Variants in RCSD1 observed in about 807,000 individuals in gnomAD.
RCSD1 encodes RCSD domain containing 1, also known as capZ-interacting protein.
Under a neutral mutation model 42.5 loss-of-function variants are expected in RCSD1, and 26 were observed. The observed-to-expected ratio is 0.61, with a 90% CI of 0.45 to 0.85. The LOEUF is 0.85. Ranked by LOEUF, RCSD1 falls within the 40% of genes least tolerant of loss-of-function variation. The pLI, the probability that RCSD1 is intolerant of heterozygous loss-of-function variation, is 0.00. For synonymous variants in RCSD1, 220 were observed against 212.2 expected (o/e 1.04, Z -0.32); for missense variants, 571 against 528.3 (o/e 1.08, Z -0.79).
chr1:167,659,065 CCTCT>C (rs1382793525), intron 1 of RCSD1, among the ~76,000 whole-genome samples: 2 of 152,034 alleles, frequency 1.3e-5, no homozygotes, highest in African/African-American at 2.4e-5. Flanking sequence ...TATTTTCCCT[CCTCT>C]CTCTCTCCCT....
rs775821749 is a variant in RCSD1, at chr1:167,684,013, C to G, written c.108+12C>G. The G allele has an allele frequency of 6.2e-7, 1 of 1,602,090 alleles. No individual in the cohort carries two copies. The highest frequency in any genetic ancestry group is 8.5e-7 in the Non-Finnish European group (1 of 1,171,232). On this transcript the variant is annotated intron_variant, in intron 2 of 6. Coordinates refer to ENST00000367854, the MANE Select transcript of RCSD1 (RefSeq NM_052862.4). The stretch of plus-strand genomic sequence containing the variant: ...CTGCAGCCAAGGAGGTGAGTCAGGC[C>G]GCTTCAGAGCAGCCTCTTCAGCAGC...
At chr1:167,639,758 T>C (rs896008412) in intron 1 of RCSD1, among the ~76,000 whole-genome samples, 3 of 152,206 alleles carry the variant, frequency 2.0e-5, no homozygotes, top group Non-Finnish European at 4.4e-5. Context: ...CCTCCCAAAG[T>C]GCTGGGATTA....
At chr1:167,658,620 G>A (rs1025133058) in intron 1 of RCSD1, among the ~76,000 whole-genome samples, 3 of 151,640 alleles carry the variant, frequency 2.0e-5, no homozygotes, top group African/African-American at 7.3e-5. Context: ...TTGGAGAGAC[G>A]GAGTTCCACC....
chr1:167,701,251 AGTTTCTTT>A (rs1467079413), intron 6 of RCSD1, among the ~76,000 whole-genome samples: 17 of 117,758 alleles, frequency 1.4e-4, no homozygotes, highest in African/African-American at 5.0e-4. Context: ...CCAATTGCCT[AGTTTCTTT>A]CTTTCTTTCT....
intron 1 of RCSD1, among the ~76,000 whole-genome samples, chr1:167,682,431 G>A (rs1659104419): frequency 6.6e-6 from 1 of 152,200 alleles, no homozygotes; most frequent in African/African-American, 2.4e-5. Context: ...GCCTCCCAAA[G>A]TGCTGGGATT....
At chr1:167,686,143 G>A (rs146128685) in intron 3 of RCSD1, among the ~76,000 whole-genome samples, 1 of 152,286 alleles carries the variant, frequency 6.6e-6, no homozygotes, top group Admixed American at 6.5e-5. Flanking sequence ...AATTGTAGCT[G>A]CAGGAGTGCC....
chr1:167,662,348 G>A (rs1658557816), intron 1 of RCSD1, among the ~76,000 whole-genome samples: 1 of 152,186 alleles, frequency 6.6e-6, no homozygotes, highest in African/African-American at 2.4e-5. Flanking sequence ...GGGTGTGCAG[G>A]CAGCACACTC....
chr1:167,662,107 A>G (rs1658553122), intron 1 of RCSD1, among the ~76,000 whole-genome samples: 1 of 152,134 alleles, frequency 6.6e-6, no homozygotes, highest in African/African-American at 2.4e-5. Flanking sequence ...GACCCATTCT[A>G]TTCTTAGAGC....
At chr1:167,644,928 T>C (rs1196375727) in intron 1 of RCSD1, among the ~76,000 whole-genome samples, 1 of 152,252 alleles carries the variant, frequency 6.6e-6, no homozygotes. Flanking sequence ...TCACATTACT[T>C]GTATTACAAA....
At chr1:167,638,436 C>G (rs1657913257) in intron 1 of RCSD1, 1 of 152,206 alleles carries the variant, frequency 6.6e-6, no homozygotes, top group Non-Finnish European at 1.5e-5. Flanking sequence ...TGCCCAGGGT[C>G]TAGAAGGTAA....
intron 5 of RCSD1, 71 bp downstream of exon 5, chr1:167,694,373 T>A: frequency 7.2e-7 from 1 of 1,389,276 alleles, no homozygotes; most frequent in Non-Finnish European, 1.0e-6. Context: ...GAATTTTCTC[T>A]ACCCTGTTGT....
chr1:167,655,365 T>A (rs1658401406), intron 1 of RCSD1, among the ~76,000 whole-genome samples: 1 of 152,182 alleles, frequency 6.6e-6, no homozygotes, highest in Non-Finnish European at 1.5e-5. Flanking sequence ...AGAGACCATT[T>A]TTTTCTCTCC....
chr1:167,671,316 A>C (rs1393957702), intron 1 of RCSD1, among the ~76,000 whole-genome samples: 1 of 152,234 alleles, frequency 6.6e-6, no homozygotes, highest in Non-Finnish European at 1.5e-5. Context: ...ACTTTTACTG[A>C]AGGTCTGCTG....
intron 1 of RCSD1, among the ~76,000 whole-genome samples, chr1:167,675,915 G>A (rs1449452914): frequency 1.3e-5 from 2 of 152,072 alleles, no homozygotes; most frequent in Non-Finnish European, 2.9e-5. Context: ...AAGATGGGAT[G>A]GAAGGACAGG....
intron 1 of RCSD1, among the ~76,000 whole-genome samples, chr1:167,675,164 C>T (rs1246861327): frequency 6.9e-6 from 1 of 145,806 alleles, no homozygotes; most frequent in African/African-American, 2.6e-5. Context: ...CGAGATCTCA[C>T]CACTGCACTT....
intron 1 of RCSD1, among the ~76,000 whole-genome samples, chr1:167,647,758 G>A (rs1437983546): frequency 6.6e-6 from 1 of 151,848 alleles, no homozygotes; most frequent in Non-Finnish European, 1.5e-5. Context: ...ACAAAACAAC[G>A]ATAAGACCAC....
chr1:167,699,591 A>G (rs1659591324), intron 6 of RCSD1, among the ~76,000 whole-genome samples: 1 of 152,216 alleles, frequency 6.6e-6, no homozygotes, highest in Non-Finnish European at 1.5e-5. Flanking sequence ...TTAGATGTAG[A>G]GTCCACCCTA....
intron 1 of RCSD1, among the ~76,000 whole-genome samples, chr1:167,682,331 G>A (rs371216309): frequency 5.9e-5 from 9 of 151,974 alleles, no homozygotes; most frequent in East Asian, 5.8e-4. Context: ...CACCACACCC[G>A]GCTAATTTTG....
chr1:167,688,434 C>T lies in RCSD1; in HGVS notation c.199-1615C>T, dbSNP rs115298725. ...ATTGGGGCTGGAAGCTCTTTATACT[C>T]ATCCTAGATAAAAAGCTCCTTGAAA... On this transcript the variant is annotated intron_variant, in intron 3 of 6. Transcript: ENST00000367854. Among the ~76,000 whole-genome samples the T allele has an allele frequency of 8.2e-3, 1,245 of 152,212 alleles. 10 individuals carry two copies. The highest frequency in any genetic ancestry group is 0.037 in the Middle Eastern group (11 of 294).
Sources: allele counts gnomAD v4.1 joint callset (sites outside exome capture counted in the v4.1 genomes callset), GRCh38; gene constraint gnomAD v4.1.1; transcripts MANE v1.5; gene names NCBI Gene and HGNC (gene_info 2026-07-23, HGNC 2026-07-21).